Variants in CDKL5 observed in about 807,000 individuals in gnomAD.
CDKL5 encodes the protein cyclin-dependent kinase-like 5.
A neutral mutation model predicts 61.7 loss-of-function variants in CDKL5; 8 were observed. The observed-to-expected ratio is 0.13, with a 90% CI of 0.08 to 0.23. The LOEUF is 0.23. Among genes scored for constraint, CDKL5 ranks in the 10% least tolerant of loss-of-function variants. The pLI, the probability that CDKL5 is intolerant of heterozygous loss-of-function variation, is 1.00. For synonymous variants in CDKL5, 275 were observed against 272.3 expected, an observed-to-expected ratio of 1.01 and a Z score of -0.10; for missense variants, 440 against 734.5, an observed-to-expected ratio of 0.60 and a Z score of 4.63.
At chrX:18,589,262 G>A (rs1302800091) in intron 9 of CDKL5, 1 of 110,442 alleles carries the variant, frequency 9.1e-6, no homozygotes, top group Non-Finnish European at 1.9e-5. Flanking sequence ...ATTTACATTA[G>A]GTATATCTCC....
At chrX:18,578,375 A>G (rs1260695562) in intron 5 of CDKL5, among the ~76,000 whole-genome samples, 1 of 112,308 alleles carries the variant, frequency 8.9e-6, no homozygotes, top group Non-Finnish European at 1.9e-5. Context: ...GGGAGTAAAT[A>G]CAACTGATTC....
intron 3 of CDKL5, among the ~76,000 whole-genome samples, chrX:18,544,867 T>C (rs1398577226): frequency 9.0e-6 from 1 of 111,502 alleles, no homozygotes; most frequent in Non-Finnish European, 1.9e-5. Flanking sequence ...CTGTTTGGAG[T>C]ATAGTCCTTT....
intron 1 of CDKL5, among the ~76,000 whole-genome samples, chrX:18,492,959 C>A (rs1041092870): frequency 9.0e-6 from 1 of 111,687 alleles, no homozygotes; most frequent in Admixed American, 9.5e-5. Flanking sequence ...TTGAAATAGC[C>A]CAACCTGCTG....
rs1349922828 is a variant in CDKL5, at chrX:18,425,646, C to G, written c.-212C>G. On this transcript the variant is annotated 5_prime_UTR_variant, in exon 1 of 18. Transcript: ENST00000623535. ...GCTGGGGAAGGTAAAGCGGCGACGGCGTCCTCAGGAGCTGTGGGGTCCCCT... is the reference window on the plus strand; with the variant it reads ...GCTGGGGAAGGTAAAGCGGCGACGGGGTCCTCAGGAGCTGTGGGGTCCCCT... 8.9e-6 allele frequency: 1 copy of G among 112,456 alleles called. No homozygotes were observed. Among genetic ancestry groups the G allele is most frequent in the Non-Finnish European group, 1.9e-5 (1 of 53,206 alleles). 9.3% of individuals were successfully genotyped at this position (112,456 alleles called of 1,213,427 possible). A position where few individuals can be genotyped will look rare whatever the true frequency, so the allele number is the denominator to read the frequency against.
intron 3 of CDKL5, among the ~76,000 whole-genome samples, chrX:18,539,062 C>T (rs1013949716): frequency 2.7e-4 from 30 of 111,500 alleles, no homozygotes; most frequent in African/African-American, 9.8e-4. Flanking sequence ...ACTGCAGGAT[C>T]TGTAGAGATC....
downstream of CDKL5, chrX:18,642,239 T>C: frequency 9.7e-7 from 1 of 1,031,642 alleles, no homozygotes; most frequent in Non-Finnish European, 1.4e-6. Flanking sequence ...TAGCCCCAAC[T>C]TTTAACTATA....
intron 5 of CDKL5, among the ~76,000 whole-genome samples, chrX:18,579,396 A>AT (rs199890712): frequency 1.1e-4 from 12 of 109,310 alleles, no homozygotes; most frequent in Non-Finnish European, 1.9e-4. Context: ...AATTTTGGAC[A>AT]TTTTTTTTTC....
At chrX:18,433,370 T>C (rs1421009499) in intron 1 of CDKL5, among the ~76,000 whole-genome samples, 1 of 111,379 alleles carries the variant, frequency 9.0e-6, no homozygotes, top group Non-Finnish European at 1.9e-5. Flanking sequence ...CTGACCAACA[T>C]GGAGAAGCCA....
downstream of CDKL5, chrX:18,641,832 T>C (rs1927585259): frequency 2.2e-6 from 1 of 460,467 alleles, no homozygotes. Context: ...CATTTTTATT[T>C]CATTGAAATC....
rs1208762378 is a variant in CDKL5 at position 18,629,331 on chromosome X, TTATAA to T, written c.*576_*580del. The T allele has an allele frequency of 3.0e-6, 2 of 661,543 alleles. No homozygotes were observed. The highest frequency in any genetic ancestry group is 3.6e-6 in the Non-Finnish European group (2 of 556,618). The allele number at this position is 661,543 out of a possible 1,213,427, so 54.5% of individuals were successfully genotyped here. On this transcript the variant is annotated 3_prime_UTR_variant, in exon 18 of 18. Coordinates refer to ENST00000623535, the MANE Select transcript of CDKL5 (RefSeq NM_001323289.2). ...TACTGTTAAAATCATATCTTTTATG[TTATAA>T]TGTAAAGTTATTTTGAGCTGTTTGA...
At chrX:18,532,977 A>G (rs1193299157) in intron 3 of CDKL5, among the ~76,000 whole-genome samples, 4 of 112,196 alleles carry the variant, frequency 3.6e-5, no homozygotes, top group African/African-American at 1.3e-4. Context: ...AATGTGTTTA[A>G]TAAATATTTT....
At chrX:18,627,272 A>C (rs1345418494) in intron 17 of CDKL5, 3 of 111,525 alleles carry the variant, frequency 2.7e-5, no homozygotes, top group Non-Finnish European at 3.8e-5. Context: ...TAGTTCCTTC[A>C]AATCTTGTAA....
chrX:18,451,307 T>C (rs1932010184), intron 1 of CDKL5, among the ~76,000 whole-genome samples: 1 of 110,892 alleles, frequency 9.0e-6, no homozygotes, highest in Non-Finnish European at 1.9e-5. Context: ...TTCTCCTGCC[T>C]CAGGCTCCCG....
chrX:18,615,086 G>A (rs974504475), intron 15 of CDKL5, among the ~76,000 whole-genome samples: 3 of 112,051 alleles, frequency 2.7e-5, no homozygotes, highest in Non-Finnish European at 5.6e-5. Context: ...GGCTCAATTG[G>A]GATGTTGAAC....
In CDKL5 at chrX:18,433,131, G is replaced by A. The variant is rs781104454; in HGVS notation, c.-163+7436G>A. Among the ~76,000 whole-genome samples, 202 of 110,299 alleles carry A rather than the reference G, an allele frequency of 1.8e-3. 1 individual carries two copies. The highest frequency in any genetic ancestry group is 3.0e-3 in the Non-Finnish European group (156 of 52,744). ...TAGGCCCAACCTCCTGGGAGGCTGA[G>A]GTGGGAAGATGGCTTGAGCTTGGGA... On this transcript the variant is annotated intron_variant, in intron 1 of 17. Transcript: ENST00000623535.
At chrX:18,495,634 G>A (rs1922142217) in intron 1 of CDKL5, among the ~76,000 whole-genome samples, 1 of 111,689 alleles carries the variant, frequency 9.0e-6, no homozygotes, top group African/African-American at 3.3e-5. Context: ...TGCCTCTTGC[G>A]AGGTTCCTCC....
chrX:18,494,994 G>T (rs1348990815), intron 1 of CDKL5, among the ~76,000 whole-genome samples: 1 of 112,009 alleles, frequency 8.9e-6, no homozygotes, highest in Non-Finnish European at 1.9e-5. Flanking sequence ...TTACAAAAGG[G>T]TAATTAATTA....
At chrX:18,468,253 C>T (rs887672295) in intron 1 of CDKL5, among the ~76,000 whole-genome samples, 4 of 112,195 alleles carry the variant, frequency 3.6e-5, no homozygotes, top group African/African-American at 1.3e-4. Flanking sequence ...GGAATTGATT[C>T]ACAGTGTTCT....
intron 1 of CDKL5, among the ~76,000 whole-genome samples, chrX:18,481,527 A>ATTTT (rs764120656): frequency 6.3e-4 from 51 of 81,480 alleles, no homozygotes; most frequent in African/African-American, 2.3e-3. Context: ...TAATTTTTGT[A>ATTTT]TTTTTTTTTT....
Sources: allele counts gnomAD v4.1 joint callset (sites outside exome capture counted in the v4.1 genomes callset), GRCh38; gene constraint gnomAD v4.1.1; transcripts MANE v1.5; gene names NCBI Gene and HGNC (gene_info 2026-07-23, HGNC 2026-07-21).